PHF20: variants seen among roughly 807,000 people sequenced by gnomAD.
PHF20 encodes the protein PHD finger protein 20.
A neutral mutation model predicts 113.5 loss-of-function variants in PHF20; 23 were observed. The observed-to-expected ratio is 0.20, with a 90% CI of 0.15 to 0.29. The LOEUF (loss-of-function observed/expected upper bound fraction) is 0.29. Among genes scored for constraint, PHF20 ranks in the 10% least tolerant of loss-of-function variants. The probability of loss-of-function intolerance (pLI) is 1.00; values close to 1 mark genes in which losing one functional copy is unlikely to be tolerated. For missense variants in PHF20, 943 were observed against 1,219.6 expected (o/e 0.77, Z 3.38); for synonymous variants, 434 against 457.3 (o/e 0.95, Z 0.65).
intron 6 of PHF20, among the ~76,000 whole-genome samples, chr20:35,868,403 C>G (rs1029356481): frequency 2.0e-5 from 3 of 151,658 alleles, no homozygotes; most frequent in Non-Finnish European, 4.4e-5. Context: ...AGTTCAAGAC[C>G]AGCCTGGCCA....
At chr20:35,897,061 TCTTA>T (rs1468017478) in intron 9 of PHF20, among the ~76,000 whole-genome samples, 3 of 152,090 alleles carry the variant, frequency 2.0e-5, no homozygotes, top group Non-Finnish European at 2.9e-5. Context: ...TGAGACAGGG[TCTTA>T]CTTTGTTGCC....
rs114155935 is a variant in PHF20, at chr20:35,944,593, G to A, written c.2897-2892G>A. Among the ~76,000 whole-genome samples the A allele has an allele frequency of 2.8e-3, 429 of 151,926 alleles. 2 individuals are homozygous for A. Among genetic ancestry groups the A allele is most frequent in the African/African-American group, 9.0e-3 (372 of 41,412 alleles). The stretch of plus-strand genomic sequence containing the variant: ...TTATTTTATTTTATTTTTTTAAGAC[G>A]GAGTCTTGCTCTTTCTCGCCCAGGC... On this transcript the variant is annotated intron_variant, in intron 17 of 17. Coordinates refer to ENST00000374012, the MANE Select transcript of PHF20 (RefSeq NM_016436.5).
chr20:35,862,899 T>C (rs2054242819), intron 5 of PHF20, 114 bp from the exon 6 acceptor site: 1 of 995,040 alleles, frequency 1.0e-6, no homozygotes, highest in Non-Finnish European at 1.5e-6. Context: ...ATATGTGATC[T>C]GGCGTATGTC....
intron 10 of PHF20, 115 bp from the exon 11 acceptor site, chr20:35,913,134 C>A: frequency 1.8e-6 from 1 of 558,934 alleles, no homozygotes; most frequent in Non-Finnish European, 3.3e-6. Context: ...GAGCAATCTG[C>A]TCCAGACTTC....
At chr20:35,811,995 G>A (rs974807905) in intron 2 of PHF20, among the ~76,000 whole-genome samples, 1 of 148,984 alleles carries the variant, frequency 6.7e-6, no homozygotes, top group East Asian at 2.0e-4. Flanking sequence ...GGATGGTCTC[G>A]ATCTCCTGAC....
intron 2 of PHF20, among the ~76,000 whole-genome samples, chr20:35,836,424 C>A (rs1176393640): frequency 6.6e-6 from 1 of 152,146 alleles, no homozygotes; most frequent in Non-Finnish European, 1.5e-5. Context: ...CTTTCTGTAT[C>A]AGTTCATAGA....
At chr20:35,908,866 T>C (rs1201896030) in intron 10 of PHF20, among the ~76,000 whole-genome samples, 1 of 152,230 alleles carries the variant, frequency 6.6e-6, no homozygotes, top group South Asian at 2.1e-4. Flanking sequence ...AGCAATAGAT[T>C]GTTGTATATT....
chr20:35,890,922 C>T (rs566810855), intron 9 of PHF20, among the ~76,000 whole-genome samples: 2 of 152,052 alleles, frequency 1.3e-5, no homozygotes, highest in South Asian at 2.1e-4. Flanking sequence ...CAAAACTAAA[C>T]AAAACTGGGT....
intron 2 of PHF20, among the ~76,000 whole-genome samples, chr20:35,840,405 A>G (rs757562595): frequency 4.6e-5 from 7 of 152,172 alleles, no homozygotes; most frequent in East Asian, 1.9e-4. Flanking sequence ...AATGCTGGAA[A>G]CAGAAACCAG....
chr20:35,867,930 T>C (rs962961234), intron 6 of PHF20, among the ~76,000 whole-genome samples: 2 of 152,134 alleles, frequency 1.3e-5, no homozygotes, highest in African/African-American at 4.8e-5. Flanking sequence ...CCAGTTTCTT[T>C]CTTCTGCCTG....
intron 13 of PHF20, among the ~76,000 whole-genome samples, chr20:35,926,505 C>A (rs1434131388): frequency 5.9e-5 from 9 of 152,080 alleles, no homozygotes; most frequent in Non-Finnish European, 1.2e-4. Flanking sequence ...TCCCAAAGTG[C>A]TGGGATTACA....
intron 1 of PHF20, among the ~76,000 whole-genome samples, chr20:35,773,663 G>GA (rs1459634620): frequency 9.9e-5 from 15 of 152,084 alleles, no homozygotes; most frequent in African/African-American, 3.4e-4. Context: ...TCTTTCTTTG[G>GA]AATTGTTCTG....
chr20:35,888,141 C>G (rs1361096446), intron 9 of PHF20, among the ~76,000 whole-genome samples: 1 of 152,000 alleles, frequency 6.6e-6, no homozygotes, highest in African/African-American at 2.4e-5. Flanking sequence ...CCACCATGCC[C>G]GGCTAATTTT....
intron 9 of PHF20, among the ~76,000 whole-genome samples, chr20:35,885,554 T>C (rs2054714605): frequency 6.8e-6 from 1 of 146,696 alleles, no homozygotes; most frequent in African/African-American, 2.5e-5. Flanking sequence ...TGACATTACA[T>C]TTCTGAATAT....
At chr20:35,842,994 C>T (rs1462649177) in intron 3 of PHF20, among the ~76,000 whole-genome samples, 1 of 152,072 alleles carries the variant, frequency 6.6e-6, no homozygotes, top group African/African-American at 2.4e-5. Flanking sequence ...CTGCAGTCTC[C>T]ACCTCTCGGG....
chr20:35,774,082 A>G (rs1216494542), intron 1 of PHF20, among the ~76,000 whole-genome samples: 12 of 144,542 alleles, frequency 8.3e-5, no homozygotes, highest in Non-Finnish European at 1.4e-4. Flanking sequence ...CCTCTTGTCA[A>G]TCTTCTTTTT....
At chr20:35,798,406 G>T (rs2041709990) in intron 1 of PHF20, among the ~76,000 whole-genome samples, 1 of 152,024 alleles carries the variant, frequency 6.6e-6, no homozygotes, top group Non-Finnish European at 1.5e-5. Context: ...GAGTGAGCAA[G>T]ACCTTGTCTC....
At chr20:35,791,475 ATCTATCTATC>A (rs1170628057) in intron 1 of PHF20, among the ~76,000 whole-genome samples, 1 of 132,828 alleles carries the variant, frequency 7.5e-6, no homozygotes, top group African/African-American at 3.0e-5. Context: ...CTATCTATCT[ATCTATCTATC>A]TATCTATCTA....
chr20:35,842,636 T>C lies in PHF20; in HGVS notation c.147T>C (p.Arg49=), dbSNP rs747769293. The change falls in exon 3 of 18, where the codon CGT becomes CGC. Residue 49 remains arginine, a synonymous_variant. Coordinates refer to ENST00000374012, the MANE Select transcript of PHF20 (RefSeq NM_016436.5). ...GAAAAGTACTCATCCATTTCAAGCG[T>C]TGGAACCATCGTTATGATGAGTGGT... The part of the protein sequence containing the change: ...EEGKVLIHFK[R]WNHRYDEWFC... 5 of 1,614,110 alleles carry C rather than the reference T, an allele frequency of 3.1e-6. No homozygotes were observed. Among genetic ancestry groups the C allele is most frequent in the South Asian group, 1.1e-5 (1 of 91,078 alleles).
Sources: allele counts gnomAD v4.1 joint callset (sites outside exome capture counted in the v4.1 genomes callset), GRCh38; gene constraint gnomAD v4.1.1; transcripts MANE v1.5; gene names NCBI Gene and HGNC (gene_info 2026-07-23, HGNC 2026-07-21).